The following DIAPH3 variants were observed in gnomAD, a reference collection of about 807,000 sequenced individuals.
DIAPH3 encodes protein diaphanous homolog 3.
A neutral mutation model predicts 144.3 loss-of-function variants in DIAPH3; 117 were observed. The observed-to-expected ratio is 0.81, with a 90% CI of 0.70 to 0.95. The LOEUF (loss-of-function observed/expected upper bound fraction) is 0.95. DIAPH3 is among the 40% of genes least tolerant of loss of function. The pLI is 0.00. For missense variants in DIAPH3, 1,421 were observed against 1,412.7 expected (o/e 1.01, Z -0.09); for synonymous variants, 519 against 488.9 (o/e 1.06, Z -0.81).
At position 59,825,256 on chromosome 13, in the gene DIAPH3, C is replaced by G. The variant is rs186196766; in HGVS notation, c.3027+7851G>C. Among the ~76,000 whole-genome samples, 12 of 152,080 alleles carry G rather than the reference C, an allele frequency of 7.9e-5. No homozygotes were observed. The East Asian group carries it at 2.3e-3, about 29-fold the overall frequency. On this transcript the variant is annotated intron_variant, in intron 24 of 27. Coordinates refer to ENST00000400324, the MANE Select transcript of DIAPH3 (RefSeq NM_001042517.2). Reference sequence around the variant, plus strand: ...CCTGTGTCCATGTGTTCTCATTGTTCAATTCCCACCTACGAGTGAGAACAT... The same window carrying G: ...CCTGTGTCCATGTGTTCTCATTGTTGAATTCCCACCTACGAGTGAGAACAT...
intron 17 of DIAPH3, among the ~76,000 whole-genome samples, chr13:59,967,639 A>G (rs1223479860): frequency 3.3e-5 from 5 of 152,138 alleles, no homozygotes; most frequent in Non-Finnish European, 5.9e-5. Context: ...TTCCTATAAA[A>G]TACTCTGAAG....
intron 4 of DIAPH3, among the ~76,000 whole-genome samples, chr13:60,066,381 T>C (rs2056966486): frequency 6.6e-6 from 1 of 152,174 alleles, no homozygotes; most frequent in African/African-American, 2.4e-5. Context: ...AGTCACCATA[T>C]CACAGGTCAT....
chr13:60,013,351 A>AG (rs1309454493), intron 7 of DIAPH3: 35 of 286,526 alleles, frequency 1.2e-4, no homozygotes, highest in Admixed American at 3.2e-4. Flanking sequence ...CATGACTACT[A>AG]GTGCTGAGCA....
intron 13 of DIAPH3, among the ~76,000 whole-genome samples, chr13:59,983,515 A>C (rs1318903439): frequency 1.3e-5 from 2 of 151,468 alleles, no homozygotes; most frequent in Non-Finnish European, 3.0e-5. Context: ...GATAATGACT[A>C]CTCCCACAGT....
intron 2 of DIAPH3, among the ~76,000 whole-genome samples, chr13:60,117,480 G>A (rs1275991402): frequency 6.6e-6 from 1 of 152,018 alleles, no homozygotes; most frequent in Non-Finnish European, 1.5e-5. Flanking sequence ...ATAGCAACTC[G>A]AATCTAATGA....
At chr13:60,060,333 C>T (rs908403804) in intron 4 of DIAPH3, among the ~76,000 whole-genome samples, 2 of 151,980 alleles carry the variant, frequency 1.3e-5, no homozygotes, top group African/African-American at 2.4e-5. Context: ...GTTTGGTCTC[C>T]GATTTCCTCA....
intron 13 of DIAPH3, among the ~76,000 whole-genome samples, chr13:59,982,622 ATCT>A (rs1332028555): frequency 1.3e-5 from 2 of 151,634 alleles, no homozygotes; most frequent in Non-Finnish European, 3.0e-5. Context: ...ATTGTGGGTA[ATCT>A]TCTTTGATGT....
intron 1 of DIAPH3, among the ~76,000 whole-genome samples, chr13:60,162,259 C>G (rs1196464204): frequency 1.3e-5 from 2 of 152,192 alleles, no homozygotes; most frequent in East Asian, 3.8e-4. Flanking sequence ...TAATTTAGAT[C>G]CTGTTTTCAT....
chr13:59,871,392 C>A (rs951829501), intron 21 of DIAPH3, among the ~76,000 whole-genome samples: 14 of 152,154 alleles, frequency 9.2e-5, no homozygotes, highest in Non-Finnish European at 1.8e-4. Context: ...GAAAAAGCAT[C>A]TTGTTCCTTA....
chr13:59,813,927 G>C (rs2040628475), intron 24 of DIAPH3, among the ~76,000 whole-genome samples: 1 of 151,916 alleles, frequency 6.6e-6, no homozygotes, highest in Admixed American at 6.6e-5. Context: ...AAAGACAAGT[G>C]AGTATATCTG....
At chr13:59,715,948 T>C (rs1180652444) in intron 27 of DIAPH3, among the ~76,000 whole-genome samples, 1 of 152,148 alleles carries the variant, frequency 6.6e-6, no homozygotes, top group African/African-American at 2.4e-5. Context: ...TACAGAAAGA[T>C]GAAAGTTAAA....
chr13:59,905,214 G>A (rs192272125), intron 20 of DIAPH3, among the ~76,000 whole-genome samples: 1,797 of 151,586 alleles, frequency 0.012, 19 homozygotes, highest in Middle Eastern at 0.034. Flanking sequence ...GTGGTGGCGG[G>A]CGCCTATAGT....
chr13:60,029,192 C>G (rs1202342830), intron 5 of DIAPH3, among the ~76,000 whole-genome samples: 3 of 151,948 alleles, frequency 2.0e-5, no homozygotes, highest in African/African-American at 7.2e-5. Flanking sequence ...TCGATTCCTC[C>G]TTTTCATTCA....
chr13:59,903,049 A>G (rs1410088272), intron 20 of DIAPH3, among the ~76,000 whole-genome samples: 1 of 152,216 alleles, frequency 6.6e-6, no homozygotes, highest in Non-Finnish European at 1.5e-5. Flanking sequence ...AAGAGAAGAC[A>G]GTAGATTCTG....
At position 59,741,243 on chromosome 13, in the gene DIAPH3, G is replaced by T. The variant is rs140777498; in HGVS notation, c.3319+32946C>A. On this transcript the variant is annotated intron_variant, in intron 27 of 27. Transcript: ENST00000400324. ...TTTCTTGAGTTTTCTTTCTTTATAGGCATACTTTGAAAAGTGTATCTATAG... is the reference window on the plus strand; with the variant it reads ...TTTCTTGAGTTTTCTTTCTTTATAGTCATACTTTGAAAAGTGTATCTATAG... Among the ~76,000 whole-genome samples the T allele has an allele frequency of 1.1e-3, 172 of 152,126 alleles. 2 individuals are homozygous for T. The East Asian group carries it at 0.026, about 23-fold the overall frequency.
At chr13:59,910,708 C>T (rs368995872) in intron 20 of DIAPH3, among the ~76,000 whole-genome samples, 1 of 143,058 alleles carries the variant, frequency 7.0e-6, no homozygotes, top group African/African-American at 2.6e-5. Context: ...CCAGCCTGGG[C>T]GACAGAGCAA....
At chr13:59,702,916 T>C (rs899839700) in intron 27 of DIAPH3, among the ~76,000 whole-genome samples, 16 of 152,306 alleles carry the variant, frequency 1.1e-4, no homozygotes, top group African/African-American at 3.8e-4. Context: ...CCTCATCTCC[T>C]TTATGTCTGT....
At position 59,833,033 on chromosome 13, in the gene DIAPH3, G is replaced by A. The variant is rs188491955; in HGVS notation, c.3027+74C>T. On this transcript the variant is annotated intron_variant, in intron 24 of 27. Coordinates refer to ENST00000400324, the MANE Select transcript of DIAPH3 (RefSeq NM_001042517.2). ...AGGTTTTCCTACAGCAACAAGAGTA[G>A]AACGATGTAATGAGATAATAGATAA... 1.2e-4 allele frequency: 129 copies of A among 1,117,266 alleles called. 1 individual carries two copies. The East Asian group carries it at 3.0e-3, about 26-fold the overall frequency. 69.2% of individuals were successfully genotyped at this position (1,117,266 alleles called of 1,614,324 possible). A position where few individuals can be genotyped will look rare whatever the true frequency, so the allele number is the denominator to read the frequency against.
At chr13:59,804,534 T>A (rs2139505867) in intron 25 of DIAPH3, among the ~76,000 whole-genome samples, 1 of 152,286 alleles carries the variant, frequency 6.6e-6, no homozygotes, top group Non-Finnish European at 1.5e-5. Flanking sequence ...TAATAATAAA[T>A]ATAGGCTGGC....
Sources: gnomAD v4.1 joint callset for allele counts (sites outside exome capture counted in the v4.1 genomes callset) on GRCh38, gnomAD v4.1.1 for gene constraint, MANE v1.5 for transcripts, NCBI Gene and HGNC (gene_info 2026-07-23, HGNC 2026-07-21) for gene names.